Variants in TRPC4 observed in about 807,000 individuals in gnomAD.
The protein encoded by TRPC4 is transient receptor potential cation channel subfamily C member 4, also known as short transient receptor potential channel 4.
TRPC4 carries 49 observed loss-of-function variants against 99.4 expected under a neutral mutation model. The observed-to-expected ratio is 0.49, with a 90% CI of 0.39 to 0.63. The LOEUF (loss-of-function observed/expected upper bound fraction) is 0.63, where lower values mean the gene tolerates loss of function less well. TRPC4 is among the 20% of genes least tolerant of loss of function. TRPC4 has a pLI of 0.00. For synonymous variants in TRPC4, 454 were observed against 425.9 expected (o/e 1.07, Z -0.81); for missense variants, 898 against 1,152.9 (o/e 0.78, Z 3.20).
intron 1 of TRPC4, among the ~76,000 whole-genome samples, chr13:37,857,276 C>T (rs1022572927): frequency 2.6e-5 from 4 of 151,272 alleles, no homozygotes; most frequent in South Asian, 4.2e-4. Context: ...AAAAAGGACA[C>T]CAAAAATGGA....
intron 3 of TRPC4, among the ~76,000 whole-genome samples, chr13:37,726,827 A>T (rs755782827): frequency 2.0e-5 from 3 of 152,104 alleles, no homozygotes; most frequent in Non-Finnish European, 1.5e-5. Context: ...GACAAAATAG[A>T]TTTTAAATAA....
In TRPC4 at chr13:37,649,750, AAAAAAAAAAACAAC is replaced by A. The variant is rs1283710039; in HGVS notation, c.2079+1501_2079+1514del. ...CCGTCTCAAAAAAAAAAAAAAAAAA[AAAAAAAAAAACAAC>A]AACAAAGAACTAAGCTATTACATTT... On this transcript the variant is annotated intron_variant, in intron 8 of 10. Transcript: ENST00000379705. Among the ~76,000 whole-genome samples, 221 of 139,414 alleles carry A rather than the reference AAAAAAAAAAACAAC, an allele frequency of 1.6e-3. 4 individuals carry two copies. The highest frequency in any genetic ancestry group is 5.0e-3 in the African/African-American group (199 of 39,872). The allele number at this position is 139,414 out of a possible 152,430, so 91.5% of individuals were successfully genotyped here. A position where few individuals can be genotyped will look rare whatever the true frequency, so the allele number is the denominator to read the frequency against.
intron 1 of TRPC4, among the ~76,000 whole-genome samples, chr13:37,823,748 G>T (rs998243982): frequency 6.9e-6 from 1 of 145,756 alleles, no homozygotes; most frequent in Non-Finnish European, 1.5e-5. Context: ...TTGACTTGGC[G>T]ATGCGGGCTC....
intron 7 of TRPC4, among the ~76,000 whole-genome samples, 180 bp from the exon 8 acceptor site, chr13:37,651,639 A>G (rs1349571203): frequency 1.3e-5 from 2 of 152,174 alleles, no homozygotes; most frequent in African/African-American, 4.8e-5. Flanking sequence ...GGCTTAACCT[A>G]GGGTAGTCAC....
rs1951483167 is a variant in TRPC4 at position 37,635,223 on chromosome 13, T to C, written c.*1680A>G. Among the ~76,000 whole-genome samples, 1 of 152,130 alleles carries C rather than the reference T, an allele frequency of 6.6e-6. No individual in the cohort carries two copies. The highest frequency in any genetic ancestry group is 1.5e-5 in the Non-Finnish European group (1 of 68,014). On this transcript the variant is annotated 3_prime_UTR_variant, in exon 11 of 11. Coordinates refer to ENST00000379705, the MANE Select transcript of TRPC4 (RefSeq NM_016179.4). ...GTAACCCCTGTATATGCATGTTTTA[T>C]AACTTGCTCTTTTTATGTTCTGAAA...
Position 37,635,962 on chromosome 13 carries a change from C to T in TRPC4, c.*941G>A, listed in dbSNP as rs1047411721. On this transcript the variant is annotated 3_prime_UTR_variant, in exon 11 of 11. Coordinates refer to ENST00000379705, the MANE Select transcript of TRPC4 (RefSeq NM_016179.4). ...TTCTTTTGAATTGATTACAATATTG[C>T]GTTGATTGAAAATACTGGAATTCAA... Among the ~76,000 whole-genome samples the T allele has an allele frequency of 7.3e-5, 11 of 151,724 alleles. No homozygotes were observed. The highest frequency in any genetic ancestry group is 1.3e-4 in the Admixed American group (2 of 15,220).
chr13:37,857,671 A>G (rs1426192750), intron 1 of TRPC4, among the ~76,000 whole-genome samples: 2 of 151,724 alleles, frequency 1.3e-5, no homozygotes, highest in Non-Finnish European at 1.5e-5. Context: ...TGGAGAAAGG[A>G]CAGTCTTTTC....
At chr13:37,678,646 G>T (rs1389340136) in intron 4 of TRPC4, among the ~76,000 whole-genome samples, 1 of 152,042 alleles carries the variant, frequency 6.6e-6, no homozygotes. Flanking sequence ...TTCAGGTCCA[G>T]TTGATTTCAT....
At chr13:37,790,222 A>G (rs1445010643) in intron 1 of TRPC4, among the ~76,000 whole-genome samples, 1 of 152,138 alleles carries the variant, frequency 6.6e-6, no homozygotes, top group Non-Finnish European at 1.5e-5. Flanking sequence ...AATAGAGTAT[A>G]AGGACTATTT....
intron 8 of TRPC4, among the ~76,000 whole-genome samples, chr13:37,645,623 G>T (rs1236572276): frequency 6.6e-6 from 1 of 152,158 alleles, no homozygotes; most frequent in East Asian, 1.9e-4. Flanking sequence ...AACTAAAAAG[G>T]CAAGAGGGCA....
intron 1 of TRPC4, among the ~76,000 whole-genome samples, chr13:37,784,611 T>G (rs951059353): frequency 2.0e-5 from 3 of 152,082 alleles, no homozygotes; most frequent in Non-Finnish European, 4.4e-5. Context: ...ATGAATAGGG[T>G]GTTCTAGGTA....
intron 2 of TRPC4, among the ~76,000 whole-genome samples, chr13:37,747,262 A>G (rs750574762): frequency 2.0e-5 from 3 of 152,064 alleles, no homozygotes; most frequent in Non-Finnish European, 4.4e-5. Context: ...CTCACCCTTT[A>G]TTATTCACAT....
At chr13:37,804,364 A>G (rs2139443632) in intron 1 of TRPC4, among the ~76,000 whole-genome samples, 1 of 152,236 alleles carries the variant, frequency 6.6e-6, no homozygotes, top group East Asian at 1.9e-4. Flanking sequence ...CTAGTAAGTG[A>G]TATGAACCAA....
At chr13:37,791,116 T>G (rs1452518900) in intron 1 of TRPC4, among the ~76,000 whole-genome samples, 1 of 151,916 alleles carries the variant, frequency 6.6e-6, no homozygotes, top group African/African-American at 2.4e-5. Context: ...GAAACAGGCC[T>G]GTCATGGTGG....
At chr13:37,723,596 A>G (rs759019022) in intron 3 of TRPC4, among the ~76,000 whole-genome samples, 1 of 152,120 alleles carries the variant, frequency 6.6e-6, no homozygotes, top group African/African-American at 2.4e-5. Flanking sequence ...TGTTGCCCAG[A>G]TGGAGTACAG....
intron 1 of TRPC4, among the ~76,000 whole-genome samples, chr13:37,823,251 G>C (rs1173882734): frequency 2.0e-5 from 3 of 149,430 alleles, no homozygotes; most frequent in Non-Finnish European, 3.0e-5. Flanking sequence ...AGTTTCTTTT[G>C]CTGTGCAGAA....
At chr13:37,699,383 CATA>C (rs1054020310) in intron 3 of TRPC4, among the ~76,000 whole-genome samples, 34 of 151,988 alleles carry the variant, frequency 2.2e-4, no homozygotes, top group African/African-American at 7.7e-4. Context: ...TCACTTTCAG[CATA>C]ATAATAATAA....
At chr13:37,729,565 A>G (rs979519717) in intron 3 of TRPC4, among the ~76,000 whole-genome samples, 1 of 152,104 alleles carries the variant, frequency 6.6e-6, no homozygotes, top group Admixed American at 6.6e-5. Context: ...CCATAGCTGA[A>G]ATATGGAAGT....
At chr13:37,855,362 C>CATATATATATA (rs1959164858) in intron 1 of TRPC4, among the ~76,000 whole-genome samples, 1 of 118,942 alleles carries the variant, frequency 8.4e-6, no homozygotes. Context: ...ATATATGCAC[C>CATATATATATA]TAATTCTAAA....
Sources: gnomAD v4.1 joint callset for allele counts (sites outside exome capture counted in the v4.1 genomes callset) on GRCh38, gnomAD v4.1.1 for gene constraint, MANE v1.5 for transcripts, NCBI Gene and HGNC (gene_info 2026-07-23, HGNC 2026-07-21) for gene names.